The following TMTC2 variants were observed in gnomAD, a reference collection of about 807,000 sequenced individuals.
TMTC2 encodes the protein protein O-mannosyl-transferase TMTC2.
In TMTC2, 43 loss-of-function variants were observed where a neutral mutation model predicts 82.4. That is an observed-to-expected ratio of 0.52 (90% confidence interval 0.41 to 0.67). The LOEUF is 0.67. Ranked by LOEUF, TMTC2 falls within the 30% of genes least tolerant of loss-of-function variation. The pLI is 0.00. For missense variants in TMTC2, 919 were observed against 1,012.4 expected (o/e 0.91, Z 1.25); for synonymous variants, 408 against 381.9 (o/e 1.07, Z -0.80).
intron 3 of TMTC2, among the ~76,000 whole-genome samples, chr12:82,912,692 C>T (rs1874747404): frequency 6.6e-6 from 1 of 152,084 alleles, no homozygotes; most frequent in South Asian, 2.1e-4. Context: ...AATTCTAGCA[C>T]TTTAGGAGGC....
chr12:82,736,533 G>A (rs1328235416), intron 1 of TMTC2, among the ~76,000 whole-genome samples: 1 of 152,072 alleles, frequency 6.6e-6, no homozygotes, highest in East Asian at 1.9e-4. Flanking sequence ...TTCCAGTAAT[G>A]TAAGTGGTTA....
intron 1 of TMTC2, among the ~76,000 whole-genome samples, chr12:82,802,283 G>A (rs541566905): frequency 6.6e-5 from 10 of 152,314 alleles, no homozygotes; most frequent in South Asian, 4.1e-4. Context: ...AGGCCGCTGA[G>A]CCCACGCCCA....
chr12:82,977,676 T>C (rs1878736288), intron 7 of TMTC2, among the ~76,000 whole-genome samples: 1 of 151,848 alleles, frequency 6.6e-6, no homozygotes, highest in Non-Finnish European at 1.5e-5. Context: ...ATGTTTTGTG[T>C]ATAAAAGATA....
chr12:82,945,961 A>G (rs925730595), intron 4 of TMTC2, among the ~76,000 whole-genome samples: 2 of 152,148 alleles, frequency 1.3e-5, no homozygotes, highest in East Asian at 1.9e-4. Flanking sequence ...TTTTTCTTAC[A>G]TATTATTTCT....
intron 4 of TMTC2, among the ~76,000 whole-genome samples, chr12:82,953,860 T>C (rs1877477767): frequency 6.6e-6 from 1 of 152,032 alleles, no homozygotes; most frequent in Non-Finnish European, 1.5e-5. Context: ...AAACCCTTAG[T>C]TTCATAGTCC....
chr12:82,690,640 A>G (rs567065242), intron 1 of TMTC2, among the ~76,000 whole-genome samples: 58 of 152,310 alleles, frequency 3.8e-4, no homozygotes, highest in African/African-American at 1.3e-3. Flanking sequence ...GATGAAACAA[A>G]CAGTGGAGGA....
At chr12:82,720,447 T>TATATTAA (rs1036311327) in intron 1 of TMTC2, among the ~76,000 whole-genome samples, 1 of 152,142 alleles carries the variant, frequency 6.6e-6, no homozygotes, top group Admixed American at 6.5e-5. Flanking sequence ...TTAAACATTT[T>TATATTAA]ATATTAAATA....
chr12:82,893,331 A>G (rs929016853), intron 2 of TMTC2, among the ~76,000 whole-genome samples: 1 of 151,022 alleles, frequency 6.6e-6, no homozygotes, highest in African/African-American at 2.4e-5. Context: ...AGATCATGCC[A>G]CTGCACTTCA....
chr12:83,017,592 G>A (rs1880730271), intron 8 of TMTC2, among the ~76,000 whole-genome samples: 1 of 152,142 alleles, frequency 6.6e-6, no homozygotes, highest in Non-Finnish European at 1.5e-5. Context: ...AGGTCTCACT[G>A]CTTTCCCCAG....
At chr12:83,039,317 A>G (rs1288308988) in intron 9 of TMTC2, among the ~76,000 whole-genome samples, 1 of 152,056 alleles carries the variant, frequency 6.6e-6, no homozygotes, top group African/African-American at 2.4e-5. Flanking sequence ...ATTGAATAGA[A>G]CTCAACATGT....
At chr12:82,765,965 C>T (rs1213919657) in intron 1 of TMTC2, among the ~76,000 whole-genome samples, 3 of 152,052 alleles carry the variant, frequency 2.0e-5, no homozygotes, top group Non-Finnish European at 4.4e-5. Context: ...CTGACCATAC[C>T]CGGCTTCTTT....
intron 3 of TMTC2, among the ~76,000 whole-genome samples, chr12:82,908,223 G>T (rs1874429898): frequency 6.6e-6 from 1 of 152,026 alleles, no homozygotes; most frequent in Non-Finnish European, 1.5e-5. Flanking sequence ...ATAGTTTAAG[G>T]AATACTACTG....
chr12:82,912,732 G>A (rs1874750452), intron 3 of TMTC2, among the ~76,000 whole-genome samples: 1 of 151,986 alleles, frequency 6.6e-6, no homozygotes, highest in Admixed American at 6.6e-5. Context: ...GAGCCCAGGA[G>A]TTTGAGACCT....
intron 1 of TMTC2, among the ~76,000 whole-genome samples, chr12:82,848,354 A>G (rs1229149094): frequency 6.6e-6 from 1 of 152,074 alleles, no homozygotes; most frequent in Admixed American, 6.5e-5. Context: ...ATGTATGCAG[A>G]TATGCTTTCC....
intron 11 of TMTC2, among the ~76,000 whole-genome samples, chr12:83,118,067 A>G (rs1197516446): frequency 2.0e-5 from 3 of 152,170 alleles, no homozygotes; most frequent in Non-Finnish European, 2.9e-5. Flanking sequence ...GGAGCTTTCC[A>G]GAGGAGTCTT....
chr12:83,081,862 G>A (rs1353455995), intron 11 of TMTC2, among the ~76,000 whole-genome samples: 1 of 151,930 alleles, frequency 6.6e-6, no homozygotes, highest in Non-Finnish European at 1.5e-5. Context: ...AATGTAACAA[G>A]ACCCTGTTGT....
intron 11 of TMTC2, among the ~76,000 whole-genome samples, chr12:83,125,292 G>A (rs1885069226): frequency 6.6e-6 from 1 of 152,154 alleles, no homozygotes; most frequent in African/African-American, 2.4e-5. Flanking sequence ...TGGCTATCTG[G>A]TTCCCAATGG....
At chr12:83,066,451 G>A in intron 11 of TMTC2, among the ~76,000 whole-genome samples, 1 of 151,940 alleles carries the variant, frequency 6.6e-6, no homozygotes, top group East Asian at 1.9e-4. Context: ...TACATGAAAG[G>A]TAGTGGATAC....
chr12:82,728,756 CG>C, intron 1 of TMTC2, among the ~76,000 whole-genome samples: 1 of 152,282 alleles, frequency 6.6e-6, no homozygotes, highest in Admixed American at 6.5e-5. Flanking sequence ...CCTCAGCTTG[CG>C]GGGAGGTGTG....
Sources: gnomAD v4.1 joint callset for allele counts (sites outside exome capture counted in the v4.1 genomes callset) on GRCh38, gnomAD v4.1.1 for gene constraint, MANE v1.5 for transcripts, NCBI Gene and HGNC (gene_info 2026-07-23, HGNC 2026-07-21) for gene names.